AKAP19: variants seen among roughly 807,000 people sequenced by gnomAD.
AKAP19 encodes small A-kinase anchoring protein.
At chr2:190,076,961 G>A in the AKAP19 span, among the ~76,000 whole-genome samples, 1 of 152,046 alleles carries the variant, frequency 6.6e-6, no homozygotes, top group Admixed American at 6.6e-5. Flanking sequence ...TTACTGTTCA[G>A]TCTCTTTTTC....
At chr2:190,037,058 G>T in the AKAP19 span, among the ~76,000 whole-genome samples, 1 of 152,146 alleles carries the variant, frequency 6.6e-6, no homozygotes, top group Non-Finnish European at 1.5e-5. Context: ...AAATAGCTAC[G>T]TGATAATGAT....
At chr2:190,192,452 CTG>C in the AKAP19 span, among the ~76,000 whole-genome samples, 19,243 of 145,182 alleles carry the variant, frequency 0.13, 1,264 homozygotes, top group Middle Eastern at 0.16. Flanking sequence ...AATTCAGAAT[CTG>C]TGTGTGTGTG....
At chr2:190,159,743 A>G in the AKAP19 span, among the ~76,000 whole-genome samples, 11 of 152,298 alleles carry the variant, frequency 7.2e-5, no homozygotes, top group African/African-American at 2.6e-4. Context: ...GAATTCATTG[A>G]CTCACAAAAC....
the AKAP19 span, among the ~76,000 whole-genome samples, chr2:190,134,091 A>G: frequency 6.6e-6 from 1 of 152,216 alleles, no homozygotes; most frequent in Non-Finnish European, 1.5e-5. Context: ...TACCATAAAT[A>G]TATATATTTT....
the AKAP19 span, among the ~76,000 whole-genome samples, chr2:189,967,405 A>G: frequency 6.6e-6 from 1 of 152,246 alleles, no homozygotes; most frequent in Non-Finnish European, 1.5e-5. Flanking sequence ...AACCAAAAAG[A>G]AAAGGAAACT....
chr2:189,886,172 C>A, the AKAP19 span, among the ~76,000 whole-genome samples: 1 of 152,060 alleles, frequency 6.6e-6, no homozygotes, highest in Non-Finnish European at 1.5e-5. Context: ...ATTGGGGATA[C>A]CAGTATTTTT....
the AKAP19 span, among the ~76,000 whole-genome samples, chr2:189,971,619 A>G: frequency 3.3e-5 from 5 of 152,066 alleles, no homozygotes; most frequent in Non-Finnish European, 5.9e-5. Flanking sequence ...AAGTGTTCCT[A>G]TTTCTCCACA....
At chr2:189,926,956 T>G in the AKAP19 span, among the ~76,000 whole-genome samples, 3 of 152,084 alleles carry the variant, frequency 2.0e-5, no homozygotes, top group African/African-American at 7.2e-5. Context: ...TGATCATAGC[T>G]CACTGCAGCC....
the AKAP19 span, among the ~76,000 whole-genome samples, chr2:189,921,890 G>T: frequency 6.6e-6 from 1 of 152,152 alleles, no homozygotes; most frequent in Non-Finnish European, 1.5e-5. Context: ...AGTACTGACT[G>T]GGTTAGGCTC....
At chr2:189,885,109 T>G in the AKAP19 span, among the ~76,000 whole-genome samples, 3 of 152,182 alleles carry the variant, frequency 2.0e-5, no homozygotes, top group Non-Finnish European at 4.4e-5. Flanking sequence ...CTGCCATCAT[T>G]TCTTTATTGT....
chr2:189,944,037 A>G, the AKAP19 span, among the ~76,000 whole-genome samples: 1 of 152,202 alleles, frequency 6.6e-6, no homozygotes, highest in African/African-American at 2.4e-5. Flanking sequence ...GCTGGAATGA[A>G]TTAAGACTTT....
the AKAP19 span, among the ~76,000 whole-genome samples, chr2:189,916,485 C>T: frequency 6.6e-6 from 1 of 151,946 alleles, no homozygotes; most frequent in Non-Finnish European, 1.5e-5. Context: ...CCATGCCCAG[C>T]TAATTTTTGT....
the AKAP19 span, among the ~76,000 whole-genome samples, chr2:189,952,775 G>A: frequency 2.6e-5 from 4 of 152,108 alleles, no homozygotes; most frequent in African/African-American, 9.7e-5. Context: ...TCACATCTTC[G>A]ATAACTTTGA....
chr2:190,125,067 C>A, the AKAP19 span, among the ~76,000 whole-genome samples: 1 of 152,042 alleles, frequency 6.6e-6, no homozygotes, highest in Non-Finnish European at 1.5e-5. Context: ...TTCTGGAATA[C>A]CTCCTGAAGG....
chr2:190,014,326 A>G, the AKAP19 span, among the ~76,000 whole-genome samples: 2 of 152,156 alleles, frequency 1.3e-5, no homozygotes, highest in Admixed American at 1.3e-4. Context: ...GAAGGGGAAG[A>G]GGCATGTCAT....
At chr2:190,039,439 AGTGGAAAACT>A in the AKAP19 span, among the ~76,000 whole-genome samples, 2 of 152,174 alleles carry the variant, frequency 1.3e-5, no homozygotes, top group Admixed American at 1.3e-4. Context: ...CTGCCCCAGT[AGTGGAAAACT>A]GTAAATTTCT....
chr2:190,177,094 A>G, the AKAP19 span, among the ~76,000 whole-genome samples: 8 of 152,276 alleles, frequency 5.3e-5, no homozygotes, highest in African/African-American at 1.4e-4. The surrounding 1 kb of genome is among the most constrained non-coding windows in gnomAD (Gnocchi z 4.6). Context: ...CCTATGTGCT[A>G]TTCTATCAGG....
the AKAP19 span, among the ~76,000 whole-genome samples, chr2:190,076,449 C>T: frequency 6.6e-6 from 1 of 152,126 alleles, no homozygotes; most frequent in Non-Finnish European, 1.5e-5. Context: ...TGAAAGAAAT[C>T]CTTTAGCATT....
chr2:190,118,309 T>C, the AKAP19 span, among the ~76,000 whole-genome samples: 1 of 152,316 alleles, frequency 6.6e-6, no homozygotes, highest in South Asian at 2.1e-4. Context: ...CTGGTACCAT[T>C]CCTTCTGAAA....
Sources: allele counts gnomAD v4.1 joint callset (sites outside exome capture counted in the v4.1 genomes callset), GRCh38; gene constraint gnomAD v4.1.1; non-coding constraint Gnocchi (gnomAD v3.1); transcripts MANE v1.5; gene names NCBI Gene and HGNC (gene_info 2026-07-23, HGNC 2026-07-21).